The following EPB41 variants were observed in gnomAD, a reference collection of about 807,000 sequenced individuals.
EPB41 encodes the protein erythrocyte membrane protein band 4.1.
EPB41 carries 65 observed loss-of-function variants against 108.0 expected under a neutral mutation model. The ratio of observed to expected loss-of-function variants is 0.60; its 90% CI spans 0.49 to 0.74. EPB41 has a LOEUF of 0.74. Among genes scored for constraint, EPB41 ranks in the 30% least tolerant of loss-of-function variants. The pLI is 0.00. For synonymous variants in EPB41, 336 were observed against 358.9 expected (o/e 0.94, Z 0.72); for missense variants, 875 against 1,037.0 (o/e 0.84, Z 2.15).
At chr1:28,984,660 GT>G (rs57968199) in intron 1 of EPB41, among the ~76,000 whole-genome samples, 2,147 of 141,644 alleles carry the variant, frequency 0.015, 34 homozygotes, top group African/African-American at 0.046. Flanking sequence ...AAAAACTTAG[GT>G]TTTTTTTTTT....
intron 4 of EPB41, among the ~76,000 whole-genome samples, chr1:29,000,825 G>A (rs1464859078): frequency 6.6e-6 from 1 of 151,940 alleles, no homozygotes; most frequent in Non-Finnish European, 1.5e-5. Flanking sequence ...TCAAAACAGA[G>A]TGTTGTTTTT....
chr1:29,022,210 A>G (rs988408373), intron 7 of EPB41, among the ~76,000 whole-genome samples: 18 of 152,108 alleles, frequency 1.2e-4, no homozygotes, highest in Non-Finnish European at 1.0e-4. Context: ...AGTATTTTTC[A>G]GATTAGAAAT....
rs151070113 is a variant in EPB41 at position 28,970,275 on chromosome 1, A to G, written c.-7-17156A>G. 4.1e-3 allele frequency among the ~76,000 whole-genome samples: 619 copies of G among 152,172 alleles called. 5 individuals carry two copies. The highest frequency in any genetic ancestry group is 0.014 in the African/African-American group (586 of 41,504). On this transcript the variant is annotated intron_variant, in intron 1 of 20. Transcript: ENST00000343067. ...GATCCAGTTCATGTTTGTGATTCCC[A>G]CTTGTATTCTTACTAGATGATATTT...
intron 1 of EPB41, among the ~76,000 whole-genome samples, chr1:28,979,966 G>T (rs2095698023): frequency 6.6e-6 from 1 of 152,306 alleles, no homozygotes; most frequent in Non-Finnish European, 1.5e-5. Context: ...AATAAACTTT[G>T]TTCCATTCAA....
chr1:29,015,803 A>ACACATTATTATATGATAAAT, intron 6 of EPB41, 36 bp downstream of exon 6: 1 of 1,330,168 alleles, frequency 7.5e-7, no homozygotes, highest in Non-Finnish European at 1.1e-6. Flanking sequence ...AATTTATCAT[A>ACACATTATTATATGATAAAT]TAATAATGTG....
intron 17 of EPB41, among the ~76,000 whole-genome samples, chr1:29,106,867 A>G (rs1444196905): frequency 2.0e-5 from 3 of 147,550 alleles, no homozygotes; most frequent in African/African-American, 7.4e-5. Flanking sequence ...CATTGCACCC[A>G]GTCCCCAGTA....
At chr1:28,934,573 T>G (rs893007196) in intron 1 of EPB41, among the ~76,000 whole-genome samples, 1 of 152,144 alleles carries the variant, frequency 6.6e-6, no homozygotes, top group African/African-American at 2.4e-5. Context: ...ACTTTGGGTT[T>G]TAATCCAGTA....
chr1:28,944,581 G>C (rs2094428512), intron 1 of EPB41, among the ~76,000 whole-genome samples: 1 of 132,138 alleles, frequency 7.6e-6, no homozygotes, highest in Admixed American at 8.8e-5. Context: ...CTGTCACCCA[G>C]GCTGGAATGC....
intron 18 of EPB41, among the ~76,000 whole-genome samples, chr1:29,110,960 A>C (rs1668941352): frequency 6.6e-6 from 1 of 151,978 alleles, no homozygotes; most frequent in Admixed American, 6.6e-5. Flanking sequence ...TGAGATCAGG[A>C]GTTCAAGACC....
rs550602557 is a variant in EPB41, at chr1:28,968,831, G to T, written c.-7-18600G>T. 2.7e-4 allele frequency among the ~76,000 whole-genome samples: 41 copies of T among 151,924 alleles called. No homozygotes were observed. In the South Asian group the frequency reaches 8.3e-3, roughly 31 times the overall value. ...AATACAAAATTTAGCTGTGCATGGT[G>T]GTGCGCACCTGTAATGCCAGCTACT... On this transcript the variant is annotated intron_variant, in intron 1 of 20. Transcript: ENST00000343067.
intron 7 of EPB41, 108 bp from the exon 8 acceptor site, chr1:29,030,292 A>G: frequency 1.2e-6 from 1 of 819,884 alleles, no homozygotes; most frequent in Admixed American, 1.9e-5. Context: ...ATCTTAATAT[A>G]GTGGTATGTA....
At chr1:28,928,347 T>C (rs1308656344) in intron 1 of EPB41, among the ~76,000 whole-genome samples, 3 of 152,194 alleles carry the variant, frequency 2.0e-5, no homozygotes, top group Admixed American at 1.3e-4. Context: ...CTTACCAGCC[T>C]GTGGTTATAT....
intron 1 of EPB41, among the ~76,000 whole-genome samples, chr1:28,923,927 C>T (rs991440641): frequency 3.9e-5 from 6 of 152,132 alleles, no homozygotes; most frequent in African/African-American, 1.2e-4. Context: ...GTGTAATTTC[C>T]TCCCCTTGAG....
chr1:29,088,575 C>G (rs896584469), intron 16 of EPB41, among the ~76,000 whole-genome samples: 2 of 152,078 alleles, frequency 1.3e-5, no homozygotes, highest in African/African-American at 4.8e-5. Context: ...TGGTCACAGC[C>G]AAAGGCAACA....
intron 16 of EPB41, among the ~76,000 whole-genome samples, chr1:29,091,184 A>T (rs1189417318): frequency 6.6e-6 from 1 of 152,212 alleles, no homozygotes; most frequent in African/African-American, 2.4e-5. Flanking sequence ...CTTCTTGATG[A>T]CAGACTACTA....
upstream of EPB41, chr1:28,887,135 G>T: frequency 1.1e-6 from 1 of 946,450 alleles, no homozygotes; most frequent in Non-Finnish European, 1.5e-6. The surrounding 1 kb of genome is among the most constrained non-coding windows in gnomAD (Gnocchi z 4.9). Flanking sequence ...GGGCAAAGTG[G>T]CAGGAACCTC....
chr1:29,111,869 C>T (rs1669275699), intron 18 of EPB41, among the ~76,000 whole-genome samples: 1 of 146,150 alleles, frequency 6.8e-6, no homozygotes, highest in Admixed American at 7.0e-5. Flanking sequence ...CCCATCTACT[C>T]AGGAGGCTGA....
In EPB41 at chr1:28,968,857, T is replaced by C. The variant is rs143304479; in HGVS notation, c.-7-18574T>C. Among the ~76,000 whole-genome samples, 564 of 151,622 alleles carry C rather than the reference T, an allele frequency of 3.7e-3. 5 individuals carry two copies. The highest frequency in any genetic ancestry group is 0.013 in the African/African-American group (523 of 41,320). The stretch of plus-strand genomic sequence containing the variant: ...GTGCGCACCTGTAATGCCAGCTACT[T>C]AGGAGGCTGAGACGTGACAATCACT... On this transcript the variant is annotated intron_variant, in intron 1 of 20. Coordinates refer to ENST00000343067, the MANE Select transcript of EPB41 (RefSeq NM_001376013.1).
intron 4 of EPB41, among the ~76,000 whole-genome samples, chr1:29,004,455 G>A (rs1231488184): frequency 6.6e-6 from 1 of 152,186 alleles, no homozygotes; most frequent in Admixed American, 6.5e-5. Flanking sequence ...CACCAATGGA[G>A]TGACTATTAA....
Sources: gnomAD v4.1 joint callset for allele counts (sites outside exome capture counted in the v4.1 genomes callset) on GRCh38, gnomAD v4.1.1 for gene constraint, Gnocchi (gnomAD v3.1) non-coding constraint, MANE v1.5 for transcripts, NCBI Gene and HGNC (gene_info 2026-07-23, HGNC 2026-07-21) for gene names.